PREPL: variants seen among roughly 807,000 people sequenced by gnomAD.
The protein encoded by PREPL is prolyl endopeptidase like, also known as prolyl endopeptidase-like.
In PREPL, 77 loss-of-function variants were observed where a neutral mutation model predicts 70.6. The ratio of observed to expected loss-of-function variants is 1.09; its 90% CI spans 0.91 to 1.32. The LOEUF is 1.32. Among genes scored for constraint, PREPL ranks in the 40% most tolerant of loss-of-function variants. The pLI is 0.00. For missense variants in PREPL, 1,002 were observed against 778.2 expected (o/e 1.29, Z -3.42); for synonymous variants, 315 against 264.8 (o/e 1.19, Z -1.84).
rs772132458 is a variant in PREPL at position 44,320,632 on chromosome 2, C to T, written c.*724G>A. Reference sequence around the variant, plus strand: ...AGTGTACTGAACATACTGTATACCTCGTGTTAGGCACCTTTATGAAGAGAT... The same window carrying T: ...AGTGTACTGAACATACTGTATACCTTGTGTTAGGCACCTTTATGAAGAGAT... On this transcript the variant is annotated 3_prime_UTR_variant, in exon 14 of 14. Transcript: ENST00000409411. 9.3e-6 allele frequency: 15 copies of T among 1,612,862 alleles called. 2 individuals are homozygous for T. In the South Asian group the frequency reaches 1.1e-4, roughly 12 times the overall value.
chr2:44,322,617 G>A, intron 12 of PREPL, 114 bp downstream of exon 12: 1 of 1,351,594 alleles, frequency 7.4e-7, no homozygotes, highest in East Asian at 2.3e-5. Context: ...ATAATTGTTT[G>A]CCCTAAATCC....
chr2:44,328,310 G>A (rs752739743), intron 9 of PREPL, among the ~76,000 whole-genome samples: 4 of 146,040 alleles, frequency 2.7e-5, no homozygotes, highest in Admixed American at 6.9e-5. Flanking sequence ...GGTGGTGTGC[G>A]CCTGTAGTCC....
chr2:44,337,679 G>A (rs1041109583), intron 7 of PREPL, among the ~76,000 whole-genome samples: 1 of 152,156 alleles, frequency 6.6e-6, no homozygotes, highest in Non-Finnish European at 1.5e-5. Context: ...TGTTAATGCT[G>A]CTTTAAAACT....
intron 1 of PREPL, among the ~76,000 whole-genome samples, chr2:44,346,828 C>T (rs879565419): frequency 5.3e-5 from 8 of 152,022 alleles, no homozygotes; most frequent in Admixed American, 5.2e-4. Context: ...AGGGAAATAT[C>T]AAAGAAGTGG....
intron 4 of PREPL, among the ~76,000 whole-genome samples, 153 bp from the exon 5 acceptor site, chr2:44,342,705 T>C (rs557562276): frequency 2.0e-5 from 3 of 152,106 alleles, no homozygotes; most frequent in Admixed American, 6.5e-5. Context: ...TAATCTGTGC[T>C]GTATATAAGC....
At chr2:44,333,284 T>C (rs1273227852) in intron 7 of PREPL, among the ~76,000 whole-genome samples, 1 of 152,126 alleles carries the variant, frequency 6.6e-6, no homozygotes, top group Admixed American at 6.5e-5. Flanking sequence ...TTCTTAACTT[T>C]AAGAAAAAAG....
At chr2:44,337,247 C>G (rs1233665451) in intron 7 of PREPL, among the ~76,000 whole-genome samples, 1 of 152,206 alleles carries the variant, frequency 6.6e-6, no homozygotes, top group Non-Finnish European at 1.5e-5. Context: ...TCCTATCTCT[C>G]TTCTCTGGTT....
intron 5 of PREPL, 131 bp from the exon 6 acceptor site, chr2:44,339,494 T>G: frequency 7.6e-7 from 1 of 1,319,584 alleles, no homozygotes; most frequent in African/African-American, 1.5e-5. Context: ...AAATAATTCC[T>G]TAGTGAATAT....
At chr2:44,332,409 C>A (rs186861792) in intron 8 of PREPL, 50 bp downstream of exon 8, 5 of 1,490,790 alleles carry the variant, frequency 3.4e-6, no homozygotes, top group East Asian at 4.5e-5. Flanking sequence ...ATCTGGCAAA[C>A]GGTATGCTTT....
intron 1 of PREPL, chr2:44,360,154 A>G (rs1487009196): frequency 6.5e-6 from 1 of 153,812 alleles, no homozygotes; most frequent in Non-Finnish European, 1.4e-5. Flanking sequence ...TTGGTCTTAC[A>G]TAATTATGAA....
intron 9 of PREPL, 78 bp downstream of exon 9, chr2:44,328,859 C>A: frequency 7.5e-7 from 1 of 1,338,698 alleles, no homozygotes; most frequent in South Asian, 1.7e-5. Context: ...AGCTTTTGTT[C>A]CCTGATATAT....
At chr2:44,361,731 C>T, upstream of PREPL, 1 of 416,186 alleles carries the variant, frequency 2.4e-6, no homozygotes, top group South Asian at 7.0e-5. Context: ...CAATGAGGGA[C>T]AGCGTTCCAG....
intron 1 of PREPL, chr2:44,359,648 A>G: frequency 2.5e-6 from 4 of 1,613,302 alleles, no homozygotes; most frequent in Non-Finnish European, 3.4e-6. Flanking sequence ...CTGTTTCTGC[A>G]TGCATTTTCC....
At position 44,322,870 on chromosome 2, in the gene PREPL, T is replaced by C; in HGVS notation, c.1630-16A>G. The C allele has an allele frequency of 1.2e-6, 2 of 1,612,028 alleles. No individual in the cohort carries two copies. The highest frequency in any genetic ancestry group is 1.3e-5 in the African/African-American group (1 of 74,924). ...AAGGATAATGCTGAAAGAAAATACA[T>C]GCACGAAGAGTTTACATTATTTCTT... On this transcript the variant is annotated splice_polypyrimidine_tract_variant and intron_variant, in intron 11 of 13. Coordinates refer to ENST00000409411, the MANE Select transcript of PREPL (RefSeq NM_001171613.2).
chr2:44,327,800 T>G (rs371287757), intron 9 of PREPL, among the ~76,000 whole-genome samples: 55 of 151,694 alleles, frequency 3.6e-4, no homozygotes, highest in East Asian at 3.3e-3. Flanking sequence ...GAGGCGGAGG[T>G]TGCAGTGAGC....
At chr2:44,360,676 T>A (rs1386885853) in intron 1 of PREPL, 1 of 152,196 alleles carries the variant, frequency 6.6e-6, no homozygotes, top group Non-Finnish European at 1.5e-5. Flanking sequence ...AGTTTCTTCA[T>A]CTGCAAAAAT....
intron 13 of PREPL, 142 bp from the exon 14 acceptor site, chr2:44,321,587 CAGA>C: frequency 1.3e-6 from 2 of 1,490,218 alleles, no homozygotes; most frequent in South Asian, 2.8e-5. Context: ...GAGAGAGAGG[CAGA>C]AGGCTTCCAA....
chr2:44,342,986 A>T (rs1462150193), intron 4 of PREPL, among the ~76,000 whole-genome samples: 2 of 152,168 alleles, frequency 1.3e-5, no homozygotes, highest in Non-Finnish European at 2.9e-5. Context: ...ACCAAACACA[A>T]TTTAATGCTG....
rs1674808637 is a variant in PREPL at position 44,337,988 on chromosome 2, G to A, written c.888+363C>T. On this transcript the variant is annotated intron_variant, in intron 7 of 13. Transcript: ENST00000409411. ...TCCCTGTTGGGGATGTGGGATGGGG[G>A]AACAGCAGTCAGTGTTTAGGCACTA... 2.6e-5 allele frequency among the ~76,000 whole-genome samples: 4 copies of A among 152,328 alleles called. No homozygotes were observed. In the South Asian group the frequency reaches 6.2e-4, roughly 24 times the overall value.
Sources: allele counts gnomAD v4.1 joint callset (sites outside exome capture counted in the v4.1 genomes callset), GRCh38; gene constraint gnomAD v4.1.1; transcripts MANE v1.5; gene names NCBI Gene and HGNC (gene_info 2026-07-23, HGNC 2026-07-21).